Variants in DPP6 observed in about 807,000 individuals in gnomAD.
DPP6 encodes A-type potassium channel modulatory protein DPP6.
Under a neutral mutation model 122.6 loss-of-function variants are expected in DPP6, and 69 were observed. That is an observed-to-expected ratio of 0.56 (90% CI 0.46 to 0.69). The LOEUF (loss-of-function observed/expected upper bound fraction) is 0.69. Ranked by LOEUF, DPP6 falls within the 30% of genes least tolerant of loss-of-function variation. The pLI is 0.00. For missense variants in DPP6, 928 were observed against 1,116.9 expected (o/e 0.83, Z 2.41); for synonymous variants, 418 against 433.1 (o/e 0.97, Z 0.43).
intron 3 of DPP6, among the ~76,000 whole-genome samples, chr7:154,508,923 C>T (rs1308400573): frequency 6.6e-6 from 1 of 151,986 alleles, no homozygotes; most frequent in Non-Finnish European, 1.5e-5. Flanking sequence ...GACAATTAGA[C>T]AGCCATGTGC....
At chr7:154,303,176 CAGA>C (rs1806024245) in intron 1 of DPP6, among the ~76,000 whole-genome samples, 1 of 152,166 alleles carries the variant, frequency 6.6e-6, no homozygotes, top group African/African-American at 2.4e-5. Flanking sequence ...AGAGGAATCC[CAGA>C]AGGACAGGGT....
intron 1 of DPP6, among the ~76,000 whole-genome samples, chr7:154,325,993 A>G (rs1287897863): frequency 6.6e-6 from 1 of 152,174 alleles, no homozygotes; most frequent in Admixed American, 6.5e-5. Flanking sequence ...ATTTCAAGTT[A>G]TTTTTCATGC....
intron 4 of DPP6, among the ~76,000 whole-genome samples, chr7:154,555,053 T>C (rs1406481794): frequency 6.6e-6 from 1 of 152,146 alleles, no homozygotes; most frequent in Non-Finnish European, 1.5e-5. Flanking sequence ...AAAACCATTC[T>C]AAATGACAAA....
At chr7:154,747,611 C>T (rs1843095511) in intron 8 of DPP6, among the ~76,000 whole-genome samples, 1 of 152,134 alleles carries the variant, frequency 6.6e-6, no homozygotes, top group South Asian at 2.1e-4. Context: ...CGAAGTGTAG[C>T]TGACTCCTAG....
chr7:154,465,937 G>A (rs982033551), intron 2 of DPP6, among the ~76,000 whole-genome samples: 2 of 152,130 alleles, frequency 1.3e-5, no homozygotes, highest in African/African-American at 4.8e-5. Flanking sequence ...ATTCACAATA[G>A]CAAAGACTTG....
the DPP6 span, among the ~76,000 whole-genome samples, chr7:153,865,725 A>C: frequency 6.6e-6 from 1 of 152,138 alleles, no homozygotes; most frequent in Admixed American, 6.5e-5. Context: ...ATATGTATAC[A>C]TGTGCCATGT....
At chr7:153,793,896 C>A in the DPP6 span, among the ~76,000 whole-genome samples, 1 of 152,194 alleles carries the variant, frequency 6.6e-6, no homozygotes, top group Admixed American at 6.5e-5. Flanking sequence ...AAGGTGTAAG[C>A]CCCAAGCCTT....
chr7:154,169,005 TG>T (rs964272702), intron 1 of DPP6, among the ~76,000 whole-genome samples: 2 of 152,256 alleles, frequency 1.3e-5, no homozygotes, highest in Admixed American at 1.3e-4. Flanking sequence ...AGCAAAGCTG[TG>T]GAGTGGCAAG....
At chr7:154,810,354 C>G (rs1798971337) in intron 16 of DPP6, among the ~76,000 whole-genome samples, 1 of 152,154 alleles carries the variant, frequency 6.6e-6, no homozygotes, top group Non-Finnish European at 1.5e-5. Flanking sequence ...CAGGGAAGTT[C>G]CAGTTCCCAC....
intron 8 of DPP6, among the ~76,000 whole-genome samples, chr7:154,762,680 G>C (rs1315203443): frequency 6.6e-6 from 1 of 152,238 alleles, no homozygotes; most frequent in Non-Finnish European, 1.5e-5. Context: ...CTGTAGAAAA[G>C]AGAAGGCTTC....
At chr7:154,370,393 A>C in intron 1 of DPP6, among the ~76,000 whole-genome samples, 1 of 147,764 alleles carries the variant, frequency 6.8e-6, no homozygotes, top group African/African-American at 2.5e-5. Context: ...GGGAGGGGGG[A>C]TGGGCAGCTG....
intron 1 of DPP6, among the ~76,000 whole-genome samples, chr7:154,189,833 A>C (rs1355434459): frequency 6.6e-6 from 1 of 152,192 alleles, no homozygotes; most frequent in Non-Finnish European, 1.5e-5. Flanking sequence ...AAAGAAACAA[A>C]ATGTGATGCA....
intron 10 of DPP6, among the ~76,000 whole-genome samples, chr7:154,782,183 G>T (rs1410227261): frequency 6.6e-6 from 1 of 152,158 alleles, no homozygotes; most frequent in Non-Finnish European, 1.5e-5. Flanking sequence ...GACTAGATGC[G>T]CTTGGATGCA....
chr7:154,166,265 G>A (rs1797241769), intron 1 of DPP6, among the ~76,000 whole-genome samples: 1 of 152,176 alleles, frequency 6.6e-6, no homozygotes, highest in African/African-American at 2.4e-5. Context: ...CACTGTGGGT[G>A]CAAACCTGCT....
chr7:154,170,525 A>G (rs1410279363), intron 1 of DPP6, among the ~76,000 whole-genome samples: 4 of 152,108 alleles, frequency 2.6e-5, no homozygotes, highest in Non-Finnish European at 5.9e-5. Context: ...TGCTCATTAC[A>G]GGGGCAGACG....
intron 8 of DPP6, among the ~76,000 whole-genome samples, chr7:154,766,440 G>A (rs1009052305): frequency 3.9e-5 from 6 of 152,072 alleles, no homozygotes; most frequent in African/African-American, 9.7e-5. Context: ...TCAGCCTCCC[G>A]AGTAGCTGGG....
chr7:153,823,714 G>C, the DPP6 span, among the ~76,000 whole-genome samples: 1 of 151,948 alleles, frequency 6.6e-6, no homozygotes, highest in Admixed American at 6.6e-5. Flanking sequence ...CTTGATTGTC[G>C]TAGCCGTTAC....
chr7:153,896,879 T>C (rs374378869), intron 1 of DPP6, among the ~76,000 whole-genome samples: 1 of 152,218 alleles, frequency 6.6e-6, no homozygotes, highest in East Asian at 1.9e-4. Context: ...TCTTGTTAAA[T>C]GGTAGTTTTC....
chr7:154,669,433 C>T lies in DPP6; in HGVS notation c.754C>T (p.Gln252Ter). 6.4e-7 allele frequency: 1 copy of T among 1,553,682 alleles called. No homozygotes were observed. Among genetic ancestry groups the T allele is most frequent in the Non-Finnish European group, 8.7e-7 (1 of 1,148,198 alleles). ...GTATGCAGGATGGGGCCCTAAAGGC[C>T]AACAGCTGGTAAGCCAATCAAGTTC... Reference protein sequence around the residue: ...LQYAGWGPKGQQLIFIFENNI... With the variant: ...LQYAGWGPKG The change falls in exon 7 of 26, where the codon CAA (glutamine) becomes TAA (stop). Residue 252 changes from glutamine (Q) to a stop codon, truncating the protein, a stop_gained. Coordinates refer to ENST00000377770, the MANE Select transcript of DPP6 (RefSeq NM_130797.4). LOFTEE classifies it high-confidence loss of function.
Sources: allele counts gnomAD v4.1 joint callset (sites outside exome capture counted in the v4.1 genomes callset), GRCh38; gene constraint gnomAD v4.1.1; transcripts MANE v1.5; gene names NCBI Gene and HGNC (gene_info 2026-07-23, HGNC 2026-07-21).